DENND1A: variants seen among roughly 807,000 people sequenced by gnomAD.
The protein encoded by DENND1A is DENN domain-containing protein 1A.
In DENND1A, 51 loss-of-function variants were observed where a neutral mutation model predicts 113.7. The observed-to-expected ratio is 0.45, with a 90% CI of 0.36 to 0.57. The LOEUF is 0.57. Among genes scored for constraint, DENND1A ranks in the 20% least tolerant of loss-of-function variants. The pLI, the probability that DENND1A is intolerant of heterozygous loss-of-function variation, is 0.00. For missense variants in DENND1A, 1,258 were observed against 1,395.9 expected (o/e 0.90, Z 1.57); for synonymous variants, 565 against 570.8 (o/e 0.99, Z 0.14).
intron 19 of DENND1A, among the ~76,000 whole-genome samples, chr9:123,434,892 C>T (rs566910034): frequency 4.6e-5 from 7 of 152,270 alleles, no homozygotes; most frequent in African/African-American, 1.4e-4. Flanking sequence ...CAGGGAGTAC[C>T]AGTTAGGAGC....
intron 13 of DENND1A, among the ~76,000 whole-genome samples, chr9:123,524,860 C>T (rs888658565): frequency 6.6e-6 from 1 of 152,188 alleles, no homozygotes; most frequent in Non-Finnish European, 1.5e-5. Context: ...TATAACCAAA[C>T]GCCTACCTCC....
At chr9:123,428,076 G>A (rs540263334) in intron 19 of DENND1A, among the ~76,000 whole-genome samples, 1 of 152,328 alleles carries the variant, frequency 6.6e-6, no homozygotes, top group East Asian at 1.9e-4. Flanking sequence ...GGCTGAGGCA[G>A]GTAGATCGCT....
At chr9:123,457,586 T>TATG (rs2048223331) in intron 14 of DENND1A, 151 bp from the exon 15 acceptor site, 9 of 790,310 alleles carry the variant, frequency 1.1e-5, no homozygotes, top group Non-Finnish European at 1.6e-5. Context: ...GCTGCATATT[T>TATG]ATGATAACTT....
chr9:123,636,924 G>A (rs2061734470), intron 9 of DENND1A, among the ~76,000 whole-genome samples: 2 of 152,116 alleles, frequency 1.3e-5, no homozygotes, highest in Non-Finnish European at 2.9e-5. Context: ...TCGAACTCCT[G>A]ACCTCATGTG....
At position 123,457,901 on chromosome 9, in the gene DENND1A, G is replaced by C; in HGVS notation, c.994-4C>G. On this transcript the variant is annotated splice_polypyrimidine_tract_variant and splice_region_variant and intron_variant, in intron 13 of 23. Transcript: ENST00000394215. ...CACAGAAAGTGATCGGCTCCTCCTG[G>C]GAAGTGCAGAGGGGAGAGGTGGGTC... is the stretch of plus-strand genomic sequence containing the variant. 1 of 1,606,760 alleles carries C rather than the reference G, an allele frequency of 6.2e-7. No homozygotes were observed. Among genetic ancestry groups the C allele is most frequent in the Non-Finnish European group, 8.5e-7 (1 of 1,176,584 alleles).
At chr9:123,565,286 C>G (rs751706085) in intron 12 of DENND1A, among the ~76,000 whole-genome samples, 8 of 152,152 alleles carry the variant, frequency 5.3e-5, no homozygotes, top group Non-Finnish European at 1.2e-4. Context: ...GCCACCGCAC[C>G]CGGCCTAATG....
At chr9:123,554,988 C>T (rs2057339012) in intron 13 of DENND1A, among the ~76,000 whole-genome samples, 1 of 152,224 alleles carries the variant, frequency 6.6e-6, no homozygotes, top group South Asian at 2.1e-4. Context: ...ACTCAGTATA[C>T]TCCAGTGTTT....
chr9:123,388,185 C>T (rs974705309), intron 21 of DENND1A, among the ~76,000 whole-genome samples: 2 of 152,236 alleles, frequency 1.3e-5, no homozygotes, highest in African/African-American at 4.8e-5. Flanking sequence ...GAACAACCTA[C>T]ACTGTCAGCA....
chr9:123,446,396 C>A (rs146174368), intron 18 of DENND1A, among the ~76,000 whole-genome samples: 12 of 152,294 alleles, frequency 7.9e-5, no homozygotes, highest in African/African-American at 2.4e-4. Context: ...AATGTCTGTT[C>A]TACAAGTCTA....
intron 13 of DENND1A, among the ~76,000 whole-genome samples, chr9:123,527,414 C>T (rs116405190): frequency 6.6e-6 from 1 of 152,184 alleles, no homozygotes; most frequent in East Asian, 1.9e-4. Context: ...CATGATGTAG[C>T]TTATAAGGTC....
intron 23 of DENND1A, among the ~76,000 whole-genome samples, chr9:123,383,399 C>A (rs371639773): frequency 6.6e-6 from 1 of 152,146 alleles, no homozygotes; most frequent in Non-Finnish European, 1.5e-5. Flanking sequence ...CAGCACCCGC[C>A]CCCCCGTCTG....
At chr9:123,602,502 C>T (rs1229669419) in intron 11 of DENND1A, among the ~76,000 whole-genome samples, 6 of 152,144 alleles carry the variant, frequency 3.9e-5, no homozygotes, top group Non-Finnish European at 7.3e-5. Flanking sequence ...TCTCCTACTT[C>T]GCAGAGAGTG....
chr9:123,917,121 T>C (rs1464634100), intron 1 of DENND1A, among the ~76,000 whole-genome samples: 1 of 151,986 alleles, frequency 6.6e-6, no homozygotes, highest in Admixed American at 6.6e-5. Flanking sequence ...GAGGCAGAAA[T>C]TGCAGTGAGC....
rs2045391491 is a variant in DENND1A, at chr9:123,422,558, T to A, written c.1489-10729A>T. 6.6e-6 allele frequency among the ~76,000 whole-genome samples: 1 copy of A among 152,194 alleles called. No homozygotes were observed. The highest frequency in any genetic ancestry group is 1.5e-5 in the Non-Finnish European group (1 of 68,034). On this transcript the variant is annotated intron_variant, in intron 19 of 23. Transcript: ENST00000394215. The surrounding 1 kb of genome is among the most constrained non-coding windows in gnomAD (Gnocchi z 4.8). Reference sequence around the variant, plus strand: ...GAACAAATGGACGGAGAACCTGGTTTTAAAATTCCTGGACCTTGGAATACA... The same window carrying A: ...GAACAAATGGACGGAGAACCTGGTTATAAAATTCCTGGACCTTGGAATACA...
intron 9 of DENND1A, among the ~76,000 whole-genome samples, chr9:123,642,324 AAC>A (rs1240411963): frequency 1.3e-5 from 2 of 152,248 alleles, no homozygotes; most frequent in Non-Finnish European, 2.9e-5. Flanking sequence ...TTTATTTTTT[AAC>A]AGTTTTAAAT....
intron 8 of DENND1A, among the ~76,000 whole-genome samples, chr9:123,660,626 G>C (rs963947742): frequency 6.6e-6 from 1 of 151,978 alleles, no homozygotes; most frequent in Non-Finnish European, 1.5e-5. Context: ...ATTATTTATA[G>C]AAAATGTAAA....
intron 2 of DENND1A, among the ~76,000 whole-genome samples, chr9:123,811,098 G>T (rs367601826): frequency 6.6e-6 from 1 of 152,074 alleles, no homozygotes; most frequent in Non-Finnish European, 1.5e-5. Flanking sequence ...TTGAAGCCTG[G>T]ACTAGACCCT....
At chr9:123,423,252 G>C (rs2045450698) in intron 19 of DENND1A, among the ~76,000 whole-genome samples, 1 of 152,174 alleles carries the variant, frequency 6.6e-6, no homozygotes, top group Non-Finnish European at 1.5e-5. Context: ...GCTCCGGTAA[G>C]AGTCCCCTGG....
At chr9:123,640,529 T>C (rs909750265) in intron 9 of DENND1A, among the ~76,000 whole-genome samples, 1 of 152,236 alleles carries the variant, frequency 6.6e-6, no homozygotes, top group Admixed American at 6.5e-5. Context: ...TATTCTGTTT[T>C]GCTTGGATTC....
Sources: allele counts gnomAD v4.1 joint callset (sites outside exome capture counted in the v4.1 genomes callset), GRCh38; gene constraint gnomAD v4.1.1; non-coding constraint Gnocchi (gnomAD v3.1); transcripts MANE v1.5; gene names NCBI Gene and HGNC (gene_info 2026-07-23, HGNC 2026-07-21).